PTPRM: variants seen among roughly 807,000 people sequenced by gnomAD.
PTPRM encodes protein tyrosine phosphatase receptor type M.
PTPRM carries 47 observed loss-of-function variants against 186.7 expected under a neutral mutation model. That is an observed-to-expected ratio of 0.25 (90% CI 0.20 to 0.32). PTPRM has a LOEUF of 0.32. Ranked by LOEUF, PTPRM falls within the 10% of genes least tolerant of loss-of-function variation. The pLI, the probability that PTPRM is intolerant of heterozygous loss-of-function variation, is 1.00. For synonymous variants in PTPRM, 668 were observed against 674.9 expected, an observed-to-expected ratio of 0.99 and a Z score of 0.16; for missense variants, 1,494 against 1,865.0, an observed-to-expected ratio of 0.80 and a Z score of 3.66.
At chr18:7,772,882 A>C (rs1367295849) in intron 1 of PTPRM, among the ~76,000 whole-genome samples, 2 of 152,194 alleles carry the variant, frequency 1.3e-5, no homozygotes, top group African/African-American at 2.4e-5. Flanking sequence ...TTTTTGAATT[A>C]ATATGATTAA....
chr18:7,647,299 A>G (rs9956880), intron 1 of PTPRM, among the ~76,000 whole-genome samples: 49,585 of 152,116 alleles, frequency 0.33, 12,116 homozygotes, highest in African/African-American at 0.69. Flanking sequence ...TTATTTCTGC[A>G]ATGTGTTGAA....
At chr18:8,264,761 C>A (rs533828334) in intron 19 of PTPRM, among the ~76,000 whole-genome samples, 10 of 126,658 alleles carry the variant, frequency 7.9e-5, no homozygotes, top group South Asian at 2.6e-4. Flanking sequence ...GGTGACAGAG[C>A]AAGACTCCAT....
chr18:8,170,502 A>T (rs1011875077), intron 14 of PTPRM, among the ~76,000 whole-genome samples: 3 of 152,164 alleles, frequency 2.0e-5, no homozygotes, highest in African/African-American at 7.2e-5. Context: ...GGTTAAAAAA[A>T]AAAAAAAAAG....
chr18:7,782,359 G>A (rs1438121736), intron 2 of PTPRM, among the ~76,000 whole-genome samples: 5 of 151,764 alleles, frequency 3.3e-5, no homozygotes, highest in Non-Finnish European at 5.9e-5. Flanking sequence ...AGGAAAGAAG[G>A]AAGGAAGGAT....
At chr18:7,926,735 C>T (rs1255009987) in intron 5 of PTPRM, 52 bp downstream of exon 5, 7 of 1,392,294 alleles carry the variant, frequency 5.0e-6, no homozygotes, top group Non-Finnish European at 5.9e-6. Flanking sequence ...GAAGAATACA[C>T]TCCCCCTGGA....
chr18:8,088,984 A>G (rs758632037), intron 11 of PTPRM, 133 bp downstream of exon 11: 19 of 638,594 alleles, frequency 3.0e-5, no homozygotes, highest in Middle Eastern at 2.7e-4. Flanking sequence ...TATTAGCTCT[A>G]ATTAAAAGTA....
At chr18:8,130,431 A>C (rs1488392662) in intron 13 of PTPRM, among the ~76,000 whole-genome samples, 1 of 152,184 alleles carries the variant, frequency 6.6e-6, no homozygotes, top group African/African-American at 2.4e-5. Flanking sequence ...TAAATAATGC[A>C]AAAACGTTTT....
At chr18:8,171,910 T>G (rs1378078300) in intron 14 of PTPRM, among the ~76,000 whole-genome samples, 1 of 152,166 alleles carries the variant, frequency 6.6e-6, no homozygotes, top group Non-Finnish European at 1.5e-5. Flanking sequence ...ACAAAACCTA[T>G]TTTATAATAA....
chr18:7,708,754 T>A (rs1276774523), intron 1 of PTPRM, among the ~76,000 whole-genome samples: 1 of 152,254 alleles, frequency 6.6e-6, no homozygotes, highest in East Asian at 1.9e-4. Flanking sequence ...TTTAGTCCAC[T>A]TATCAGATGA....
rs770571802 is a variant in PTPRM at position 8,387,193 on chromosome 18, A to G, written c.4166A>G (p.Glu1389Gly). 1 of 1,613,996 alleles carries G rather than the reference A, an allele frequency of 6.2e-7. No individual in the cohort carries two copies. Among genetic ancestry groups the G allele is most frequent in the Non-Finnish European group, 8.5e-7 (1 of 1,179,842 alleles). ...ATTCGCCAGGTGGACAAGTGGCAAG[A>G]GGAGTACAATGGCGGGGAAGGCCGC... ...KLIRQVDKWQ[E>G]EYNGGEGRTV... Residue 1389 changes from glutamate to glycine, a missense_variant, in exon 31 of 33, where the codon GAG becomes GGG. Glu to Gly is a moderately conservative substitution (Grantham distance 98). Around this residue, in one of 3 missense-constraint regions of PTPRM, gnomAD observed 1,107 missense variants for 1,350.2 expected, o/e 0.82. Coordinates refer to ENST00000580170, the MANE Select transcript of PTPRM (RefSeq NM_001105244.2).
At chr18:8,222,602 G>A (rs2094166429) in intron 14 of PTPRM, among the ~76,000 whole-genome samples, 1 of 152,186 alleles carries the variant, frequency 6.6e-6, no homozygotes, top group South Asian at 2.1e-4. Context: ...AATGGTTAAT[G>A]GAGGTAGAAG....
At chr18:8,385,839 A>G (rs1393529649) in intron 30 of PTPRM, among the ~76,000 whole-genome samples, 1 of 152,242 alleles carries the variant, frequency 6.6e-6, no homozygotes, top group African/African-American at 2.4e-5. Flanking sequence ...GAGAGGCATC[A>G]GGAGGCTGTT....
chr18:8,112,790 T>C (rs2091813975), intron 11 of PTPRM, among the ~76,000 whole-genome samples: 1 of 152,232 alleles, frequency 6.6e-6, no homozygotes, highest in Non-Finnish European at 1.5e-5. Context: ...GCTGTCATCC[T>C]TGCAGGCGTC....
At position 7,585,616 on chromosome 18, in the gene PTPRM, CT is replaced by C. The variant is rs1001511957; in HGVS notation, c.73+17734del. Among the ~76,000 whole-genome samples the C allele has an allele frequency of 7.3e-5, 11 of 151,598 alleles. No individual in the cohort carries two copies. In the East Asian group the frequency reaches 1.6e-3, roughly 21 times the overall value. On this transcript the variant is annotated intron_variant, in intron 1 of 32. Transcript: ENST00000580170. ...GATATCAAGGTCCAAGGCTTTCTCT[CT>C]TTTTTTTTCCTCTTCTTCTTTTCCC...
intron 3 of PTPRM, among the ~76,000 whole-genome samples, chr18:7,903,917 T>A (rs1290919259): frequency 6.6e-6 from 1 of 152,208 alleles, no homozygotes; most frequent in East Asian, 1.9e-4. Context: ...TGTGTAGAAG[T>A]GAAAACATCA....
At chr18:7,792,215 G>T (rs970304022) in intron 2 of PTPRM, among the ~76,000 whole-genome samples, 1 of 152,204 alleles carries the variant, frequency 6.6e-6, no homozygotes, top group African/African-American at 2.4e-5. Flanking sequence ...GTTGGTACCA[G>T]TAGGTACTTA....
At chr18:7,788,781 C>T (rs993497358) in intron 2 of PTPRM, among the ~76,000 whole-genome samples, 2 of 152,162 alleles carry the variant, frequency 1.3e-5, no homozygotes, top group African/African-American at 4.8e-5. Context: ...ACAGAATTTG[C>T]TAATATTTGA....
chr18:8,152,679 C>CT (rs1344840487), intron 14 of PTPRM, among the ~76,000 whole-genome samples: 1 of 141,828 alleles, frequency 7.1e-6, no homozygotes, highest in Admixed American at 7.0e-5. Context: ...CCCATATTTC[C>CT]TTTTTTCTTT....
At chr18:8,332,666 C>A (rs116732430) in intron 22 of PTPRM, among the ~76,000 whole-genome samples, 1 of 152,232 alleles carries the variant, frequency 6.6e-6, no homozygotes, top group East Asian at 1.9e-4. Flanking sequence ...ACCTGCAAGG[C>A]AATTTAGAAG....
Sources: allele counts gnomAD v4.1 joint callset (sites outside exome capture counted in the v4.1 genomes callset), GRCh38; gene constraint gnomAD v4.1.1; regional missense constraint gnomAD v4.1.1; transcripts MANE v1.5; gene names NCBI Gene and HGNC (gene_info 2026-07-23, HGNC 2026-07-21).